Variants in AMN observed in about 807,000 individuals in gnomAD.
AMN encodes amnion associated transmembrane protein.
A neutral mutation model predicts 49.1 loss-of-function variants in AMN; 40 were observed. The ratio of observed to expected loss-of-function variants is 0.81; its 90% CI spans 0.63 to 1.06. The LOEUF (loss-of-function observed/expected upper bound fraction) is 1.06. Among genes scored for constraint, AMN ranks in the 50% least tolerant of loss-of-function variants. The probability of loss-of-function intolerance (pLI) is 0.00; values close to 1 mark genes in which losing one functional copy is unlikely to be tolerated. For synonymous variants in AMN, 380 were observed against 313.3 expected, an observed-to-expected ratio of 1.21 and a Z score of -2.25; for missense variants, 701 against 662.8, an observed-to-expected ratio of 1.06 and a Z score of -0.63.
chr14:102,925,924 C>G (rs2139304510), intron 3 of AMN, among the ~76,000 whole-genome samples: 1 of 152,318 alleles, frequency 6.6e-6, no homozygotes, highest in South Asian at 2.1e-4. Context: ...GCCCGAGTAA[C>G]AGGCCGTGCA....
rs1273618189 is a variant in AMN, at chr14:102,930,480, C to T, written c.1244C>T (p.Ala415Val). ...GFRNPVFDVT[A>V]SEELPLPRRL... The stretch of plus-strand genomic sequence containing the variant: ...CGCAACCCGGTGTTCGACGTGACGG[C>T]CTCCGAGGAGCTGGTGAGGGGGCTG... Residue 415 changes from alanine (A) to valine (V), a missense_variant, in exon 11 of 12, where the codon GCC becomes GTC. Coordinates refer to ENST00000299155, the MANE Select transcript of AMN (RefSeq NM_030943.4). The T allele has an allele frequency of 3.3e-6, 5 of 1,533,610 alleles. No homozygotes were observed. Among genetic ancestry groups the T allele is most frequent in the East Asian group, 2.5e-5 (1 of 40,454 alleles).
rs927337472 is a variant in AMN, at chr14:102,924,680, C to G, written c.207+701C>G. Among the ~76,000 whole-genome samples, 4 of 152,286 alleles carry G rather than the reference C, an allele frequency of 2.6e-5. No individual in the cohort carries two copies. In the East Asian group the frequency reaches 7.7e-4, roughly 29 times the overall value. On this transcript the variant is annotated intron_variant, in intron 3 of 11. Coordinates refer to ENST00000299155, the MANE Select transcript of AMN (RefSeq NM_030943.4). The stretch of plus-strand genomic sequence containing the variant: ...TCTCAAACTGCTTCACACAACACTC[C>G]AAGAACATGATGGGAACTGGGAGGA...
chr14:102,923,432 C>T (rs1891107494), intron 1 of AMN: 2 of 470,862 alleles, frequency 4.2e-6, no homozygotes, highest in East Asian at 8.3e-5. Context: ...GCCAGGCAAA[C>T]TGGGGGCAGT....
In AMN at chr14:102,929,964, C is replaced by T; in HGVS notation, c.884C>T (p.Pro295Leu). The T allele has an allele frequency of 6.4e-7, 1 of 1,564,236 alleles. No individual in the cohort carries two copies. ...HGLQVAVSKV[P>L]RSSRLREADT... ...CTGCAGGTGGCCGTGTCCAAGGTGC[C>T]ACGCTCGTCCCGGCTCCGTGAGGCC... Residue 295 changes from proline to leucine, a missense_variant, in exon 9 of 12, where the codon CCA (proline) becomes CTA (leucine). Pro to Leu is a moderately conservative substitution (Grantham distance 98, BLOSUM62 -3). Transcript: ENST00000299155.
chr14:102,922,930 G>C (rs1566824887), intron 1 of AMN, 199 bp downstream of exon 1: 4 of 736,174 alleles, frequency 5.4e-6, no homozygotes, highest in Admixed American at 2.8e-5. Context: ...CCAGTGCATC[G>C]GGCGGTGCGG....
chr14:102,922,893 G>C, intron 1 of AMN, 162 bp downstream of exon 1: 1 of 1,035,100 alleles, frequency 9.7e-7, no homozygotes. Flanking sequence ...CCCTCGTCTG[G>C]CGAGTGCGCA....
At position 102,928,804 on chromosome 14, in the gene AMN, C is replaced by T; in HGVS notation, c.342C>T (p.Asp114=). Residue 114 remains aspartate, a synonymous_variant, in exon 5 of 12, where the codon GAC becomes GAT. Coordinates refer to ENST00000299155, the MANE Select transcript of AMN (RefSeq NM_030943.4). ...ACTCTGACCGCTTCTCCTGGCATGA[C>T]CCGCACCTGTGGCGCTCTGGGGACG... ...FRDSDRFSWH[D]PHLWRSGDEA... is the part of the protein sequence containing the mutation. 1 of 1,608,350 alleles carries T rather than the reference C, an allele frequency of 6.2e-7. No homozygotes were observed. Among genetic ancestry groups the T allele is most frequent in the Non-Finnish European group, 8.5e-7 (1 of 1,179,864 alleles).
At position 102,930,151 on chromosome 14, in the gene AMN, C is replaced by A. The variant is rs769508609; in HGVS notation, c.1007-14C>A. ...CCCGCCGCGGGGAAGACTGAGCCGG[C>A]CCCTCCGTCGCAGGCGAGGCCCTCG... is the stretch of plus-strand genomic sequence containing the variant. On this transcript the variant is annotated splice_polypyrimidine_tract_variant and intron_variant, in intron 9 of 11. Coordinates refer to ENST00000299155, the MANE Select transcript of AMN (RefSeq NM_030943.4). The A allele has an allele frequency of 2.5e-5, 38 of 1,493,706 alleles. No homozygotes were observed. In the South Asian group the frequency reaches 2.8e-4, roughly 11 times the overall value. 92.5% of individuals were successfully genotyped at this position (1,493,706 alleles called of 1,614,324 possible).
intron 3 of AMN, 94 bp from the exon 4 acceptor site, chr14:102,928,332 T>G: frequency 2.6e-6 from 3 of 1,172,802 alleles, no homozygotes; most frequent in South Asian, 2.6e-5. Context: ...GTGCACAGGG[T>G]CTCGGCTTCT....
intron 1 of AMN, chr14:102,923,104 C>T (rs1891098104): frequency 3.5e-6 from 1 of 282,050 alleles, no homozygotes; most frequent in Non-Finnish European, 6.8e-6. Flanking sequence ...TTCCCGGTCC[C>T]CAAGGGAGCA....
intron 7 of AMN, 58 bp from the exon 8 acceptor site, chr14:102,929,597 G>A: frequency 1.9e-6 from 3 of 1,546,860 alleles, no homozygotes; most frequent in Non-Finnish European, 2.6e-6. Flanking sequence ...TTCGTCCCCC[G>A]CCTCAGTTTC....
rs1467152225 is a variant in AMN, at chr14:102,929,746, GC to G, written c.843+11del. The G allele has an allele frequency of 2.6e-6, 4 of 1,549,408 alleles. No individual in the cohort carries two copies. The highest frequency in any genetic ancestry group is 1.9e-4 in the Middle Eastern group (1 of 5,246). ...ACACCTTCCTGGGTCTGGTAATGGG[GC>G]CGCGCGGGCAGCTGAGGGGAGTCCC... On this transcript the variant is annotated intron_variant, in intron 8 of 11. Coordinates refer to ENST00000299155, the MANE Select transcript of AMN (RefSeq NM_030943.4).
rs1387169287 is a variant in AMN, at chr14:102,930,024, G to A, written c.944G>A (p.Gly315Glu). The stretch of plus-strand genomic sequence containing the variant: ...ATCCAGGTGGTGCTGGTGGAGAATG[G>A]GCCCGAGACAGGCGGAGCGGGGCGG... ...TEIQVVLVEN[G>E]PETGGAGRLA... Residue 315 changes from glycine to glutamate, a missense_variant, in exon 9 of 12, where the codon GGG becomes GAG. Gly to Glu is a moderately conservative substitution (Grantham distance 98). Coordinates refer to ENST00000299155, the MANE Select transcript of AMN (RefSeq NM_030943.4). 1.3e-6 allele frequency: 2 copies of A among 1,555,048 alleles called. No homozygotes were observed. Among genetic ancestry groups the A allele is most frequent in the Non-Finnish European group, 1.7e-6 (2 of 1,150,366 alleles).
At position 102,929,116 on chromosome 14, in the gene AMN, C is replaced by G; in HGVS notation, c.514-5C>G. 6.3e-7 allele frequency: 1 copy of G among 1,597,558 alleles called. No homozygotes were observed. Among genetic ancestry groups the G allele is most frequent in the Non-Finnish European group, 8.5e-7 (1 of 1,179,618 alleles). ...TGGCTCCGGTGGGGACCCGGCTGCCCGCAGACGTTCACGCGCGACGAGGAC... is the reference window on the plus strand; with the variant it reads ...TGGCTCCGGTGGGGACCCGGCTGCCGGCAGACGTTCACGCGCGACGAGGAC... On this transcript the variant is annotated splice_region_variant and splice_polypyrimidine_tract_variant and intron_variant, in intron 5 of 11. Transcript: ENST00000299155.
At chr14:102,928,682 C>CGCGTGGCGTGGCGTG (rs554429778) in intron 4 of AMN, 76 bp from the exon 5 acceptor site, 25 of 1,536,476 alleles carry the variant, frequency 1.6e-5, no homozygotes, top group African/African-American at 4.1e-5. Flanking sequence ...CGTGCTCAGA[C>CGCGTGGCGTGGCGTG]GCGTGGCGTG....
chr14:102,929,681 C>G lies in AMN; in HGVS notation c.787C>G (p.Pro263Ala). The G allele has an allele frequency of 6.4e-7, 1 of 1,550,480 alleles. No individual in the cohort carries two copies. The highest frequency in any genetic ancestry group is 8.7e-7 in the Non-Finnish European group (1 of 1,147,432). The change falls in exon 8 of 12, where the codon CCC becomes GCC. Residue 263 changes from proline to alanine, a missense_variant. Transcript: ENST00000299155. ...AGCCGTTGTGTTGCTGACCCACGGC[C>G]CCGCATTTGACCTGGAGCGGTACCG... is the stretch of plus-strand genomic sequence containing the variant. ...CGAVVLLTHGPAFDLERYRAR... is the reference protein window; with the variant it reads ...CGAVVLLTHGAAFDLERYRAR...
chr14:102,923,893 G>A (rs1221518398), intron 2 of AMN, 42 bp from the exon 3 acceptor site: 1 of 1,613,026 alleles, frequency 6.2e-7, no homozygotes, highest in Non-Finnish European at 8.5e-7. Context: ...TGGCCCCGGT[G>A]GGGGTTGCTC....
At chr14:102,925,882 G>A (rs1238019372) in intron 3 of AMN, among the ~76,000 whole-genome samples, 1 of 152,094 alleles carries the variant, frequency 6.6e-6, no homozygotes, top group Non-Finnish European at 1.5e-5. Flanking sequence ...CCACACCCCT[G>A]GCTCCCAGCT....
chr14:102,930,774 C>G lies in AMN; in HGVS notation c.*94C>G. ...ACCTCCTCGTCCAGCCCCCAAACCTCCCCTTCCTTTCCCCCTCCTCCGGGG... is the reference window on the plus strand; with the variant it reads ...ACCTCCTCGTCCAGCCCCCAAACCTGCCCTTCCTTTCCCCCTCCTCCGGGG... On this transcript the variant is annotated 3_prime_UTR_variant, in exon 12 of 12. Coordinates refer to ENST00000299155, the MANE Select transcript of AMN (RefSeq NM_030943.4). The G allele has an allele frequency of 7.4e-7, 1 of 1,359,874 alleles. No homozygotes were observed. Among genetic ancestry groups the G allele is most frequent in the Non-Finnish European group, 1.0e-6 (1 of 985,150 alleles). The allele number at this position is 1,359,874 out of a possible 1,614,324, so 84.2% of individuals were successfully genotyped here.
Sources: gnomAD v4.1 joint callset for allele counts (sites outside exome capture counted in the v4.1 genomes callset) on GRCh38, gnomAD v4.1.1 for gene constraint, MANE v1.5 for transcripts, NCBI Gene and HGNC (gene_info 2026-07-23, HGNC 2026-07-21) for gene names.